The following CRISPLD2 variants were observed in gnomAD, a reference collection of about 807,000 sequenced individuals.
CRISPLD2 encodes the protein cysteine rich secretory protein LCCL domain containing 2, also known as cysteine-rich secretory protein LCCL domain-containing 2.
CRISPLD2 carries 47 observed loss-of-function variants against 71.1 expected under a neutral mutation model. The ratio of observed to expected loss-of-function variants is 0.66; its 90% confidence interval spans 0.52 to 0.84. The LOEUF is 0.84. CRISPLD2 is among the 40% of genes least tolerant of loss of function. CRISPLD2 has a pLI of 0.00. For synonymous variants in CRISPLD2, 317 were observed against 250.1 expected, an observed-to-expected ratio of 1.27 and a Z score of -2.52; for missense variants, 830 against 651.1, an observed-to-expected ratio of 1.27 and a Z score of -2.99.
At chr16:84,825,125 G>A (rs547594957) in intron 1 of CRISPLD2, among the ~76,000 whole-genome samples, 8 of 152,028 alleles carry the variant, frequency 5.3e-5, no homozygotes, top group African/African-American at 1.4e-4. Flanking sequence ...AACAAAATAT[G>A]TACTGGTACC....
rs551394152 is a variant in CRISPLD2 at position 84,869,172 on chromosome 16, A to G, written c.914+261A>G. Among the ~76,000 whole-genome samples, 14 of 152,316 alleles carry G rather than the reference A, an allele frequency of 9.2e-5. No individual in the cohort carries two copies. The South Asian group carries it at 2.3e-3, about 25-fold the overall frequency. On this transcript the variant is annotated intron_variant, in intron 8 of 14. Coordinates refer to ENST00000262424, the MANE Select transcript of CRISPLD2 (RefSeq NM_031476.4). ...CCCACCAGACAGATGGGCCACCGGTATATTCCCCCCATGGTAGATGAATAA... is the reference window on the plus strand; with the variant it reads ...CCCACCAGACAGATGGGCCACCGGTGTATTCCCCCCATGGTAGATGAATAA...
chr16:84,872,358 C>T, intron 8 of CRISPLD2, 84 bp from the exon 9 acceptor site: 3 of 1,095,738 alleles, frequency 2.7e-6, no homozygotes, highest in East Asian at 2.4e-5. Context: ...GTAATAGAGC[C>T]ATCGATGAAA....
Position 84,838,630 on chromosome 16 carries a change from C to G in CRISPLD2, c.135C>G (p.Ser45=), listed in dbSNP as rs756976159. The part of the protein sequence containing the change: ...LSKYQHNESH[S]RVRRAIPRED... ...AATACCAGCACAACGAGTCTCACTC[C>G]CGGGTCCGCAGAGCCATCCCCAGGG... Residue 45 remains serine, a synonymous_variant, in exon 2 of 15, where the codon TCC becomes TCG. Transcript: ENST00000262424. The G allele has an allele frequency of 1.2e-6, 2 of 1,614,242 alleles. No individual in the cohort carries two copies. Among genetic ancestry groups the G allele is most frequent in the South Asian group, 2.2e-5 (2 of 91,090 alleles).
At position 84,906,316 on chromosome 16, in the gene CRISPLD2, G is replaced by A. The variant is rs569032558; in HGVS notation, c.1440-272G>A. On this transcript the variant is annotated intron_variant, in intron 14 of 14. Coordinates refer to ENST00000262424, the MANE Select transcript of CRISPLD2 (RefSeq NM_031476.4). ...GGGTGAGTCCAATCCAGACAGACTGGGTCCAGCAGATCCCTGAGTTAAAAG... is the reference window on the plus strand; with the variant it reads ...GGGTGAGTCCAATCCAGACAGACTGAGTCCAGCAGATCCCTGAGTTAAAAG... Among the ~76,000 whole-genome samples, 227 of 152,088 alleles carry A rather than the reference G, an allele frequency of 1.5e-3. 1 individual carries two copies. The highest frequency in any genetic ancestry group is 6.8e-3 in the Middle Eastern group (2 of 294).
intron 5 of CRISPLD2, among the ~76,000 whole-genome samples, chr16:84,851,570 A>G (rs1917090984): frequency 6.6e-6 from 1 of 152,192 alleles, no homozygotes; most frequent in Admixed American, 6.5e-5. Flanking sequence ...TGAGGTTGGG[A>G]GGAAAAATAG....
intron 11 of CRISPLD2, among the ~76,000 whole-genome samples, chr16:84,874,962 C>T (rs994730442): frequency 6.6e-6 from 1 of 152,112 alleles, no homozygotes; most frequent in South Asian, 2.1e-4. Flanking sequence ...ATGTGTCTGG[C>T]TGATGCAGCA....
rs766930703 is a variant in CRISPLD2, at chr16:84,845,868, T to C, written c.323T>C (p.Val108Ala). The part of the protein sequence containing the change: ...IWEHGPTSLL[V>A]SIGQNLGAHW... ...GAGCACGGGCCCACCAGTCTGCTGG[T>C]GTCCATCGGGCAGAACCTGGGCGCT... is the stretch of plus-strand genomic sequence containing the variant. Residue 108 changes from valine to alanine, a missense_variant, in exon 3 of 15, where the codon GTG (valine) becomes GCG (alanine). Physicochemically the swap from Val to Ala is moderately conservative, Grantham distance 64. Coordinates refer to ENST00000262424, the MANE Select transcript of CRISPLD2 (RefSeq NM_031476.4). The C allele has an allele frequency of 1.3e-5, 21 of 1,613,990 alleles. No homozygotes were observed. Among genetic ancestry groups the C allele is most frequent in the Non-Finnish European group, 1.7e-5 (20 of 1,179,848 alleles).
intron 1 of CRISPLD2, among the ~76,000 whole-genome samples, chr16:84,832,021 C>T (rs1437515565): frequency 2.0e-5 from 3 of 152,248 alleles, no homozygotes; most frequent in Admixed American, 6.5e-5. Context: ...AGGCGTGAGC[C>T]GCCATGTCCA....
chr16:84,859,100 G>T (rs903726179), intron 6 of CRISPLD2, among the ~76,000 whole-genome samples: 1 of 152,138 alleles, frequency 6.6e-6, no homozygotes, highest in African/African-American at 2.4e-5. Flanking sequence ...TTCTAGGTAG[G>T]GGCAGCTCTA....
In CRISPLD2 at chr16:84,907,853, C is replaced by G. The variant is rs1365926122; in HGVS notation, c.*1211C>G. ...CTCTTGCCAAACGTTCCCGAGGCGC[C>G]AAGGAGTGTAGTACACCCTGGCTGC... is the stretch of plus-strand genomic sequence containing the variant. On this transcript the variant is annotated 3_prime_UTR_variant, in exon 15 of 15. Coordinates refer to ENST00000262424, the MANE Select transcript of CRISPLD2 (RefSeq NM_031476.4). 1 of 152,184 alleles carries G rather than the reference C, an allele frequency of 6.6e-6. No homozygotes were observed. Among genetic ancestry groups the G allele is most frequent in the Non-Finnish European group, 1.5e-5 (1 of 68,040 alleles). The allele number at this position is 152,184 out of a possible 1,614,324, so 9.4% of individuals were successfully genotyped here. A position where few individuals can be genotyped will look rare whatever the true frequency, so the allele number is the denominator to read the frequency against.
At chr16:84,883,998 C>T (rs962949694) in intron 13 of CRISPLD2, among the ~76,000 whole-genome samples, 1 of 151,998 alleles carries the variant, frequency 6.6e-6, no homozygotes, top group African/African-American at 2.4e-5. Flanking sequence ...TGCCCGCCAC[C>T]CACACCCAGC....
chr16:84,908,671 C>T lies in CRISPLD2; in HGVS notation c.*2029C>T, dbSNP rs149788366. ...TAGAAAGTCCTTGCCCAGAGCAGGA[C>T]CTGGCTGTCTTTTTTTTTTTTTTTT... On this transcript the variant is annotated 3_prime_UTR_variant, in exon 15 of 15. Coordinates refer to ENST00000262424, the MANE Select transcript of CRISPLD2 (RefSeq NM_031476.4). 4.9e-5 allele frequency: 7 copies of T among 142,166 alleles called. No homozygotes were observed. In the East Asian group the frequency reaches 1.5e-3, roughly 30 times the overall value. The allele number at this position is 142,166 out of a possible 1,614,324, so 8.8% of individuals were successfully genotyped here.
In CRISPLD2 at chr16:84,828,698, C is replaced by G. The variant is rs2029723; in HGVS notation, c.-75+8565C>G. Reference sequence around the variant, plus strand: ...ACCTGGTCCCTTAAAAGTGACTTTTCTTATATATCACCTTGGCTTGCATCG... The same window carrying G: ...ACCTGGTCCCTTAAAAGTGACTTTTGTTATATATCACCTTGGCTTGCATCG... On this transcript the variant is annotated intron_variant, in intron 1 of 14. Coordinates refer to ENST00000262424, the MANE Select transcript of CRISPLD2 (RefSeq NM_031476.4). 2.0e-5 allele frequency among the ~76,000 whole-genome samples: 3 copies of G among 152,208 alleles called. No individual in the cohort carries two copies. The East Asian group carries it at 5.8e-4, about 29-fold the overall frequency.
At chr16:84,864,597 G>C (rs1487181650) in intron 6 of CRISPLD2, among the ~76,000 whole-genome samples, 3 of 152,208 alleles carry the variant, frequency 2.0e-5, no homozygotes, top group Non-Finnish European at 4.4e-5. Context: ...GGTGCTTTCA[G>C]AGTTCCCTCT....
At chr16:84,857,654 G>A (rs1179024037) in intron 6 of CRISPLD2, among the ~76,000 whole-genome samples, 4 of 152,340 alleles carry the variant, frequency 2.6e-5, no homozygotes, top group East Asian at 1.9e-4. Flanking sequence ...TACTGCCGCA[G>A]CTGTCCACTA....
chr16:84,877,106 A>G (rs549689722), intron 11 of CRISPLD2, among the ~76,000 whole-genome samples: 1 of 152,222 alleles, frequency 6.6e-6, no homozygotes, highest in Non-Finnish European at 1.5e-5. Context: ...TTAGAGTAAC[A>G]CCTGCTGTGA....
chr16:84,903,180 C>T (rs1470015556), intron 14 of CRISPLD2, among the ~76,000 whole-genome samples: 2 of 152,170 alleles, frequency 1.3e-5, no homozygotes, highest in Admixed American at 6.5e-5. Flanking sequence ...AATGGCCTCC[C>T]GTCAATTTAA....
Position 84,846,810 on chromosome 16 carries a change from G to A in CRISPLD2, c.359+906G>A, listed in dbSNP as rs977857309. On this transcript the variant is annotated intron_variant, in intron 3 of 14. Coordinates refer to ENST00000262424, the MANE Select transcript of CRISPLD2 (RefSeq NM_031476.4). Reference sequence around the variant, plus strand: ...TTCTGTCCCCTCTCCTTCCCTGTCTGGGAGCGATTTGTCCCCTCTCCCATA... The same window carrying A: ...TTCTGTCCCCTCTCCTTCCCTGTCTAGGAGCGATTTGTCCCCTCTCCCATA... 1.0e-3 allele frequency among the ~76,000 whole-genome samples: 155 copies of A among 152,228 alleles called. 1 individual carries two copies. The highest frequency in any genetic ancestry group is 3.5e-3 in the African/African-American group (147 of 41,540).
In CRISPLD2 at chr16:84,854,527, C is replaced by T. The variant is rs544557445; in HGVS notation, c.609-202C>T. On this transcript the variant is annotated intron_variant, in intron 5 of 14. Transcript: ENST00000262424. ...CTTGTAGCTCCCTTCTGCAGAATCG[C>T]TGGGATTCTGGAGCTCTCTAGACTC... 2.6e-3 allele frequency among the ~76,000 whole-genome samples: 392 copies of T among 152,222 alleles called. 2 individuals are homozygous for T. Among genetic ancestry groups the T allele is most frequent in the Non-Finnish European group, 4.6e-3 (314 of 67,998 alleles).
Sources: gnomAD v4.1 joint callset for allele counts (sites outside exome capture counted in the v4.1 genomes callset) on GRCh38, gnomAD v4.1.1 for gene constraint, MANE v1.5 for transcripts, NCBI Gene and HGNC (gene_info 2026-07-23, HGNC 2026-07-21) for gene names.